LDLRAD3: variants seen among roughly 807,000 people sequenced by gnomAD.
The protein encoded by LDLRAD3 is low-density lipoprotein receptor class A domain-containing protein 3.
In LDLRAD3, 20 loss-of-function variants were observed where a neutral mutation model predicts 29.4. That is an observed-to-expected ratio of 0.68 (90% confidence interval 0.48 to 0.99). The LOEUF (loss-of-function observed/expected upper bound fraction) is 0.99, where lower values mean the gene tolerates loss of function less well. LDLRAD3 is among the 50% of genes least tolerant of loss of function. LDLRAD3 has a pLI of 0.00. For synonymous variants in LDLRAD3, 157 were observed against 192.7 expected (o/e 0.81, Z 1.53); for missense variants, 420 against 454.3 (o/e 0.92, Z 0.69).
chr11:36,104,246 CAT>C (rs1190043094), intron 4 of LDLRAD3, among the ~76,000 whole-genome samples: 1 of 152,190 alleles, frequency 6.6e-6, no homozygotes, highest in Non-Finnish European at 1.5e-5. Context: ...CCAATAGCCA[CAT>C]GAGTGAGGTT....
intron 4 of LDLRAD3, among the ~76,000 whole-genome samples, chr11:36,167,956 T>G (rs1296278732): frequency 6.6e-6 from 1 of 152,164 alleles, no homozygotes; most frequent in Non-Finnish European, 1.5e-5. Context: ...AGAAGAGAAG[T>G]TCAGAGTCAC....
At chr11:36,144,501 C>G (rs1373096221) in intron 4 of LDLRAD3, among the ~76,000 whole-genome samples, 2 of 150,772 alleles carry the variant, frequency 1.3e-5, no homozygotes, top group East Asian at 2.0e-4. Context: ...TCTGCCTGGC[C>G]GCCCATCGTC....
chr11:36,008,169 G>A (rs1357152897), intron 1 of LDLRAD3, among the ~76,000 whole-genome samples: 1 of 152,138 alleles, frequency 6.6e-6, no homozygotes, highest in East Asian at 1.9e-4. Context: ...TGTGAGGAGG[G>A]CATATTATTT....
At chr11:36,033,918 T>C (rs1852271982) in intron 1 of LDLRAD3, among the ~76,000 whole-genome samples, 1 of 152,166 alleles carries the variant, frequency 6.6e-6, no homozygotes, top group Non-Finnish European at 1.5e-5. Context: ...TGCACTACAA[T>C]AGGAGAAATT....
chr11:36,174,936 C>T (rs1039821541), intron 4 of LDLRAD3, among the ~76,000 whole-genome samples: 36 of 152,012 alleles, frequency 2.4e-4, no homozygotes, highest in African/African-American at 7.0e-4. Context: ...GAGCTGAGAT[C>T]GTGCTACTCC....
intron 1 of LDLRAD3, chr11:35,967,094 C>T (rs781145609): frequency 9.0e-5 from 18 of 200,116 alleles, no homozygotes; most frequent in African/African-American, 3.3e-4. Flanking sequence ...TTTCTGATCC[C>T]GTGTGGTCCC....
At chr11:36,144,934 T>A (rs1204721944) in intron 4 of LDLRAD3, among the ~76,000 whole-genome samples, 2 of 67,440 alleles carry the variant, frequency 3.0e-5, no homozygotes, top group Non-Finnish European at 5.8e-5. Flanking sequence ...TACTGGGAAG[T>A]GAGGAGCCCC....
At chr11:35,951,016 G>A (rs1183921963) in intron 1 of LDLRAD3, among the ~76,000 whole-genome samples, 1 of 152,078 alleles carries the variant, frequency 6.6e-6, no homozygotes, top group African/African-American at 2.4e-5. Flanking sequence ...CTGGGAAGTG[G>A]AGGTTGCAGT....
intron 4 of LDLRAD3, among the ~76,000 whole-genome samples, chr11:36,107,282 C>A (rs1301621723): frequency 6.6e-6 from 1 of 151,840 alleles, no homozygotes; most frequent in Admixed American, 6.6e-5. Flanking sequence ...CTCACTGCAA[C>A]CTCCACCTCC....
chr11:36,042,168 CT>C (rs2133215423), intron 2 of LDLRAD3, among the ~76,000 whole-genome samples: 1 of 152,118 alleles, frequency 6.6e-6, no homozygotes, highest in Admixed American at 6.5e-5. Context: ...TCCTCTTTTC[CT>C]TTTTAGCATC....
intron 2 of LDLRAD3, among the ~76,000 whole-genome samples, chr11:36,054,783 A>ATGGATAGATGGATGGC (rs1852583880): frequency 6.7e-6 from 1 of 148,752 alleles, no homozygotes; most frequent in Admixed American, 6.7e-5. Flanking sequence ...AGATGGATGG[A>ATGGATAGATGGATGGC]TGATGGGTAC....
intron 4 of LDLRAD3, among the ~76,000 whole-genome samples, chr11:36,166,430 A>G (rs985662341): frequency 1.3e-5 from 2 of 152,198 alleles, no homozygotes; most frequent in Admixed American, 6.5e-5. Context: ...TCTTTTGCCT[A>G]AAGGCTTTCC....
At chr11:36,147,423 A>G (rs1230965557) in intron 4 of LDLRAD3, among the ~76,000 whole-genome samples, 2 of 151,848 alleles carry the variant, frequency 1.3e-5, no homozygotes, top group African/African-American at 4.8e-5. Context: ...CGGCCCCTCT[A>G]TTTACTTTTA....
chr11:36,020,475 G>T (rs572865277), intron 1 of LDLRAD3, among the ~76,000 whole-genome samples: 1 of 152,286 alleles, frequency 6.6e-6, no homozygotes, highest in South Asian at 2.1e-4. Context: ...TTTTAGCACA[G>T]GGAAGCAACT....
intron 4 of LDLRAD3, among the ~76,000 whole-genome samples, chr11:36,137,127 G>A (rs567842523): frequency 6.4e-4 from 98 of 152,300 alleles, no homozygotes; most frequent in Non-Finnish European, 1.0e-3. Context: ...ATTAGGAAGA[G>A]GTCCATGGAA....
intron 4 of LDLRAD3, among the ~76,000 whole-genome samples, chr11:36,099,303 A>G (rs1853411294): frequency 6.6e-6 from 1 of 150,536 alleles, no homozygotes; most frequent in Non-Finnish European, 1.5e-5. Context: ...TTACTCATGG[A>G]CTCTTTTTTT....
At chr11:36,144,623 G>A (rs1182965910) in intron 4 of LDLRAD3, among the ~76,000 whole-genome samples, 13 of 132,664 alleles carry the variant, frequency 9.8e-5, no homozygotes, top group Admixed American at 5.1e-4. Flanking sequence ...CAACTGCCCC[G>A]TCTGAGAAGT....
At chr11:36,019,745 G>A (rs1852070588) in intron 1 of LDLRAD3, among the ~76,000 whole-genome samples, 1 of 152,212 alleles carries the variant, frequency 6.6e-6, no homozygotes. Flanking sequence ...CCTGGATACA[G>A]AAAGAAACAA....
chr11:36,183,980 T>TC (rs764573165), intron 4 of LDLRAD3: 8 of 311,254 alleles, frequency 2.6e-5, no homozygotes, highest in African/African-American at 7.1e-5. Context: ...TTTTTTTTTT[T>TC]CCCGAGATGG....
Sources: allele counts gnomAD v4.1 joint callset (sites outside exome capture counted in the v4.1 genomes callset), GRCh38; gene constraint gnomAD v4.1.1; transcripts MANE v1.5; gene names NCBI Gene and HGNC (gene_info 2026-07-23, HGNC 2026-07-21).